The following HSD11B2 variants were observed in gnomAD, a reference collection of about 807,000 sequenced individuals.
HSD11B2 encodes 11-beta-hydroxysteroid dehydrogenase type 2.
In HSD11B2, 17 loss-of-function variants were observed where a neutral mutation model predicts 20.9. That is an observed-to-expected ratio of 0.81 (90% CI 0.56 to 1.22). The LOEUF (loss-of-function observed/expected upper bound fraction) is 1.22. HSD11B2 is among the 50% of genes most tolerant of loss of function. HSD11B2 has a pLI of 0.00. For missense variants in HSD11B2, 480 were observed against 563.6 expected, an observed-to-expected ratio of 0.85 and a Z score of 1.50; for synonymous variants, 253 against 255.4, an observed-to-expected ratio of 0.99 and a Z score of 0.09.
Position 67,437,215 on chromosome 16 carries a change from A to G in HSD11B2, c.*212A>G. 1 of 605,972 alleles carries G rather than the reference A, an allele frequency of 1.7e-6. No homozygotes were observed. Among genetic ancestry groups the G allele is most frequent in the Non-Finnish European group, 2.9e-6 (1 of 342,090 alleles). The allele number at this position is 605,972 out of a possible 1,614,324, so 37.5% of individuals were successfully genotyped here. A position where few individuals can be genotyped will look rare whatever the true frequency, so the allele number is the denominator to read the frequency against. ...AGCCTCTGCGCCTCTCCACTGTTTC[A>G]TGAGCCCAAACACCCTCCTGGCACA... On this transcript the variant is annotated 3_prime_UTR_variant, in exon 5 of 5. Coordinates refer to ENST00000326152, the MANE Select transcript of HSD11B2 (RefSeq NM_000196.4).
intron 2 of HSD11B2, 29 bp downstream of exon 2, chr16:67,435,869 G>C (rs754268963): frequency 2.5e-6 from 4 of 1,613,892 alleles, no homozygotes; most frequent in Non-Finnish European, 3.4e-6. Context: ...CCAGGCAAGG[G>C]CGTGGCAGGG....
Position 67,436,987 on chromosome 16 carries a change from C to T in HSD11B2, c.1202C>T (p.Pro401Leu), listed in dbSNP as rs992069465. 20 of 1,609,444 alleles carry T rather than the reference C, an allele frequency of 1.2e-5. No individual in the cohort carries two copies. The highest frequency in any genetic ancestry group is 2.7e-5 in the African/African-American group (2 of 74,952). ...QDPNLSPGPS[P>L]AVAR ...CCAAACCTGAGCCCCGGCCCTTCCC[C>T]AGCAGTGGCTCGGTGAGCCATGTGC... Residue 401 changes from proline (P) to leucine (L), a missense_variant, in exon 5 of 5, where the codon CCA becomes CTA. By Grantham distance (98) the Pro-to-Leu change is moderately conservative. This residue lies in a region of HSD11B2 where 374 missense variants were observed against 480.9 expected (regional missense o/e 0.78). Transcript: ENST00000326152. The surrounding 1 kb of genome is among the most constrained non-coding windows in gnomAD (Gnocchi z 5.7).
chr16:67,436,430 C>A lies in HSD11B2; in HGVS notation c.802+44C>A. ...GGTGGGGTGGGGGTGGGGAATGGGG[C>A]TGGGAATGGTCTTATGGGGGCAGGT... is the stretch of plus-strand genomic sequence containing the variant. On this transcript the variant is annotated intron_variant, in intron 4 of 4. Transcript: ENST00000326152. The surrounding 1 kb of genome is among the most constrained non-coding windows in gnomAD (Gnocchi z 5.7). 1 of 1,501,966 alleles carries A rather than the reference C, an allele frequency of 6.7e-7. No homozygotes were observed. Among genetic ancestry groups the A allele is most frequent in the Non-Finnish European group, 9.0e-7 (1 of 1,105,818 alleles). 93.0% of individuals were successfully genotyped at this position (1,501,966 alleles called of 1,614,324 possible).
rs1309642469 is a variant in HSD11B2, at chr16:67,436,294, C to T, written c.710C>T (p.Ala237Val). The change falls in exon 4 of 5, where the codon GCG (alanine) becomes GTG (valine). Residue 237 changes from alanine to valine, a missense_variant. Around this residue, in one of 2 missense-constraint regions of HSD11B2, gnomAD observed 374 missense variants for 480.9 expected, o/e 0.78. Transcript: ENST00000326152. The surrounding 1 kb of genome is among the most constrained non-coding windows in gnomAD (Gnocchi z 5.7). The stretch of plus-strand genomic sequence containing the variant: ...TTGGGGGCCTATGGAACCTCCAAAG[C>T]GGCCGTGGCGCTACTCATGGACACA... ...PCLGAYGTSK[A>V]AVALLMDTFS... 7 of 1,613,430 alleles carry T rather than the reference C, an allele frequency of 4.3e-6. No homozygotes were observed. The highest frequency in any genetic ancestry group is 2.2e-5 in the East Asian group (1 of 44,802).
At chr16:67,431,096 T>G (rs2040928451), upstream of HSD11B2, 1 of 155,392 alleles carries the variant, frequency 6.4e-6, no homozygotes, top group South Asian at 2.4e-4. Context: ...GGGCTCTTCA[T>G]AAGCTCGGCC....
intron 1 of HSD11B2, among the ~76,000 whole-genome samples, chr16:67,433,650 G>A (rs1263445315): frequency 2.0e-5 from 3 of 151,320 alleles, no homozygotes; most frequent in Non-Finnish European, 4.4e-5. Context: ...CTGCTCTGAG[G>A]GGGACCCGGA....
chr16:67,435,202 C>CAAA (rs61663548), intron 1 of HSD11B2, among the ~76,000 whole-genome samples: 3 of 63,070 alleles, frequency 4.8e-5, no homozygotes, highest in African/African-American at 1.0e-4. Flanking sequence ...GACCCTGTCT[C>CAAA]AAAAAAAAAA....
At chr16:67,430,358 C>G (rs1046893517), upstream of HSD11B2, among the ~76,000 whole-genome samples, 5 of 152,176 alleles carry the variant, frequency 3.3e-5, no homozygotes, top group African/African-American at 1.2e-4. The surrounding 1 kb of genome is among the most constrained non-coding windows in gnomAD (Gnocchi z 5.4). Context: ...GACCTAGGTG[C>G]TTCCTCTGAC....
intron 1 of HSD11B2, among the ~76,000 whole-genome samples, chr16:67,432,279 C>T (rs2040939787): frequency 6.8e-6 from 1 of 146,416 alleles, no homozygotes; most frequent in East Asian, 2.0e-4. Flanking sequence ...GGGCTGGAGG[C>T]CCGCCGGAAG....
At chr16:67,432,268 G>C (rs1342563885) in intron 1 of HSD11B2, among the ~76,000 whole-genome samples, 2 of 152,080 alleles carry the variant, frequency 1.3e-5, no homozygotes, top group Non-Finnish European at 2.9e-5. Context: ...AAGGGGGGGG[G>C]GGGCTGGAGG....
In HSD11B2 at chr16:67,436,246, C is replaced by T. The variant is rs1411874773; in HGVS notation, c.665-3C>T. 6.2e-7 allele frequency: 1 copy of T among 1,614,052 alleles called. No individual in the cohort carries two copies. The highest frequency in any genetic ancestry group is 8.5e-7 in the Non-Finnish European group (1 of 1,180,020). ...AGCTGCCCCACTCCCAATCCATCCGCAGGGGACATGCCATATCCGTGCTTG... is the reference window on the plus strand; with the variant it reads ...AGCTGCCCCACTCCCAATCCATCCGTAGGGGACATGCCATATCCGTGCTTG... On this transcript the variant is annotated splice_polypyrimidine_tract_variant and splice_region_variant and intron_variant, in intron 3 of 4. Transcript: ENST00000326152. The surrounding 1 kb of genome is among the most constrained non-coding windows in gnomAD (Gnocchi z 5.7).
rs1435223755 is a variant in HSD11B2, at chr16:67,437,104, G to A, written c.*101G>A. The A allele has an allele frequency of 2.2e-5, 28 of 1,276,852 alleles. No individual in the cohort carries two copies. Among genetic ancestry groups the A allele is most frequent in the Non-Finnish European group, 2.2e-5 (20 of 923,886 alleles). 79.1% of individuals were successfully genotyped at this position (1,276,852 alleles called of 1,614,324 possible). ...AGCATTACGATCCCCCAAGTGTCCT[G>A]GACCCTGGCCTAAAGAATCCCACCC... On this transcript the variant is annotated 3_prime_UTR_variant, in exon 5 of 5. Coordinates refer to ENST00000326152, the MANE Select transcript of HSD11B2 (RefSeq NM_000196.4).
In HSD11B2 at chr16:67,437,157, AT is replaced by A. The variant is rs2040983917; in HGVS notation, c.*155del. On this transcript the variant is annotated 3_prime_UTR_variant, in exon 5 of 5. Coordinates refer to ENST00000326152, the MANE Select transcript of HSD11B2 (RefSeq NM_000196.4). Reference sequence around the variant, plus strand: ...ACTTCATGCCCACTGCCGATGCCCAATCCAGGCCCGGTGAGGCCAAGGTTTC... The same window carrying A: ...ACTTCATGCCCACTGCCGATGCCCAACCAGGCCCGGTGAGGCCAAGGTTTC... The A allele has an allele frequency of 3.7e-6, 3 of 813,256 alleles. No individual in the cohort carries two copies. Among genetic ancestry groups the A allele is most frequent in the Non-Finnish European group, 5.7e-6 (3 of 523,578 alleles). The allele number at this position is 813,256 out of a possible 1,614,324, so 50.4% of individuals were successfully genotyped here. A position where few individuals can be genotyped will look rare whatever the true frequency, so the allele number is the denominator to read the frequency against.
Position 67,436,467 on chromosome 16 carries a change from A to AATGGTC in HSD11B2, c.802+87_802+92dup. On this transcript the variant is annotated intron_variant, in intron 4 of 4. Coordinates refer to ENST00000326152, the MANE Select transcript of HSD11B2 (RefSeq NM_000196.4). The surrounding 1 kb of genome is among the most constrained non-coding windows in gnomAD (Gnocchi z 5.7). The stretch of plus-strand genomic sequence containing the variant: ...TTATGGGGGCAGGTCAGGTTTGATG[A>AATGGTC]ATGGTCATGGTTTTGGTTGGGGGTG... 6.5e-7 allele frequency: 1 copy of AATGGTC among 1,535,884 alleles called. No individual in the cohort carries two copies. Among genetic ancestry groups the AATGGTC allele is most frequent in the Non-Finnish European group, 8.8e-7 (1 of 1,132,132 alleles).
chr16:67,434,811 G>A (rs906689055), intron 1 of HSD11B2, among the ~76,000 whole-genome samples: 2 of 152,116 alleles, frequency 1.3e-5, no homozygotes, highest in African/African-American at 2.4e-5. Context: ...GGCAGATCAC[G>A]AGGTCAAGAG....
rs533302047 is a variant in HSD11B2, at chr16:67,432,180, T to C, written c.265+667T>C. ...GGAAGGAGCTCTTAGAGAGCTGGGC[T>C]CAGGTGCCTCTGGCCGCCTAGCTGA... On this transcript the variant is annotated intron_variant, in intron 1 of 4. Transcript: ENST00000326152. Among the ~76,000 whole-genome samples, 14 of 149,962 alleles carry C rather than the reference T, an allele frequency of 9.3e-5. No homozygotes were observed. In the South Asian group the frequency reaches 3.0e-3, roughly 32 times the overall value.
chr16:67,436,200 G>C lies in HSD11B2; in HGVS notation c.665-49G>C, dbSNP rs1291606325. 6.2e-7 allele frequency: 1 copy of C among 1,613,930 alleles called. No homozygotes were observed. Among genetic ancestry groups the C allele is most frequent in the South Asian group, 1.1e-5 (1 of 91,070 alleles). ...GCCCCCTGGGGTGGGGGAGGGCTTA[G>C]GGAGCCCCTTGCCAAAGCTGAGCTG... On this transcript the variant is annotated intron_variant, in intron 3 of 4. Coordinates refer to ENST00000326152, the MANE Select transcript of HSD11B2 (RefSeq NM_000196.4). The surrounding 1 kb of genome is among the most constrained non-coding windows in gnomAD (Gnocchi z 5.7).
In HSD11B2 at chr16:67,437,062, C is replaced by G; in HGVS notation, c.*59C>G. The G allele has an allele frequency of 6.5e-7, 1 of 1,546,822 alleles. No individual in the cohort carries two copies. The highest frequency in any genetic ancestry group is 8.8e-7 in the Non-Finnish European group (1 of 1,139,884). On this transcript the variant is annotated 3_prime_UTR_variant, in exon 5 of 5. Coordinates refer to ENST00000326152, the MANE Select transcript of HSD11B2 (RefSeq NM_000196.4). Reference sequence around the variant, plus strand: ...CAGGAGGCTCCGTGAGCCCTTGGTTCCTCCCCGAAAACCCCCAGCATTACG... The same window carrying G: ...CAGGAGGCTCCGTGAGCCCTTGGTTGCTCCCCGAAAACCCCCAGCATTACG...
At chr16:67,431,804 G>A (rs1046454775) in intron 1 of HSD11B2, among the ~76,000 whole-genome samples, 1 of 152,226 alleles carries the variant, frequency 6.6e-6, no homozygotes, top group African/African-American at 2.4e-5. Flanking sequence ...ACCTCCTGGA[G>A]TTTGAGAGTT....
Sources: gnomAD v4.1 joint callset for allele counts (sites outside exome capture counted in the v4.1 genomes callset) on GRCh38, gnomAD v4.1.1 for gene constraint, gnomAD v4.1.1 regional missense constraint, Gnocchi (gnomAD v3.1) non-coding constraint, MANE v1.5 for transcripts, NCBI Gene and HGNC (gene_info 2026-07-23, HGNC 2026-07-21) for gene names.